Variants in KLF11 observed in about 807,000 individuals in gnomAD.
KLF11 encodes Krueppel-like factor 11.
KLF11 carries 26 observed loss-of-function variants against 29.9 expected under a neutral mutation model. The ratio of observed to expected loss-of-function variants is 0.87; its 90% CI spans 0.64 to 1.21. KLF11 has a LOEUF of 1.21. Ranked by LOEUF, KLF11 falls within the 50% of genes most tolerant of loss-of-function variation. The pLI, the probability that KLF11 is intolerant of heterozygous loss-of-function variation, is 0.00. For synonymous variants in KLF11, 318 were observed against 257.4 expected (o/e 1.24, Z -2.25); for missense variants, 778 against 665.7 (o/e 1.17, Z -1.86).
At position 10,048,111 on chromosome 2, in the gene KLF11, T is replaced by G. The variant is rs1661277961; in HGVS notation, c.774T>G (p.Thr258=). 4 of 1,614,104 alleles carry G rather than the reference T, an allele frequency of 2.5e-6. No individual in the cohort carries two copies. Among genetic ancestry groups the G allele is most frequent in the Non-Finnish European group, 3.4e-6 (4 of 1,180,046 alleles). The part of the protein sequence containing the change: ...QQAGWPGAVQ[T]CSPKNYENDL... ...CAGGGTGGCCTGGTGCAGTTCAGAC[T>G]TGCTCACCAAAGAATTATGAAAATG... The change falls in exon 3 of 4, where the codon ACT becomes ACG. Residue 258 remains threonine, a synonymous_variant. Transcript: ENST00000305883.
chr2:10,050,690 A>G (rs1479553901), intron 3 of KLF11, among the ~76,000 whole-genome samples: 1 of 152,056 alleles, frequency 6.6e-6, no homozygotes, highest in East Asian at 1.9e-4. Context: ...GCCTGGTGAC[A>G]GAGTGAGACT....
chr2:10,044,007 C>CGGCCCCGCCCCGCT (rs1426389162), intron 1 of KLF11: 3 of 757,256 alleles, frequency 4.0e-6, no homozygotes, highest in Non-Finnish European at 4.9e-6. Context: ...GCTTCCTGGG[C>CGGCCCCGCCCCGCT]GGCCCCGCCC....
intron 2 of KLF11, among the ~76,000 whole-genome samples, chr2:10,046,881 A>AG (rs1661223096): frequency 6.6e-6 from 1 of 152,244 alleles, no homozygotes; most frequent in Non-Finnish European, 1.5e-5. Flanking sequence ...GAACAAAAAA[A>AG]GAAACTTTTC....
Position 10,046,316 on chromosome 2 carries a change from G to C in KLF11, c.209G>C (p.Arg70Thr). Residue 70 changes from arginine to threonine, a missense_variant, in exon 2 of 4, where the codon AGA becomes ACA. Transcript: ENST00000305883. ...CAGAAAGGTGACCTGTTGCGGATAA[G>C]ACCCCTCACGCCTGTCTCTGACTCT... ...RSQKGDLLRI[R>T]PLTPVSDSGD... is the part of the protein sequence containing the mutation. 6.2e-7 allele frequency: 1 copy of C among 1,614,160 alleles called. No homozygotes were observed. The highest frequency in any genetic ancestry group is 8.5e-7 in the Non-Finnish European group (1 of 1,180,030).
At position 10,048,449 on chromosome 2, in the gene KLF11, C is replaced by T; in HGVS notation, c.1112C>T (p.Pro371Leu). 3 of 1,614,184 alleles carry T rather than the reference C, an allele frequency of 1.9e-6. No homozygotes were observed. Among genetic ancestry groups the T allele is most frequent in the Non-Finnish European group, 1.7e-6 (2 of 1,180,050 alleles). The change falls in exon 3 of 4, where the codon CCT becomes CTT. Residue 371 changes from proline (P) to leucine (L), a missense_variant. Coordinates refer to ENST00000305883, the MANE Select transcript of KLF11 (RefSeq NM_003597.5). ...AATACCAAGTTGTTGCCCCTTGCCC[C>T]TGCTCCAGTGTTCATCACCTCTAGC... Reference protein sequence around the residue: ...AGNTKLLPLAPAPVFITSSQN... With the variant: ...AGNTKLLPLALAPVFITSSQN...
At position 10,047,755 on chromosome 2, in the gene KLF11, C is replaced by T; in HGVS notation, c.418C>T (p.Gln140Ter). ...AGCATGTACAGCCACGGATGTTCTC[C>T]AGTCCTCTGCCGTAGTGGCCAGAGC... ...SKACTATDVL[Q>*]SSAVVARALS... is the part of the protein sequence containing the mutation. The change falls in exon 3 of 4, where the codon CAG (glutamine) becomes TAG (stop). Residue 140 changes from glutamine (Q) to a stop codon, truncating the protein, a stop_gained. Coordinates refer to ENST00000305883, the MANE Select transcript of KLF11 (RefSeq NM_003597.5). LOFTEE classifies it high-confidence loss of function. The T allele has an allele frequency of 6.2e-7, 1 of 1,613,784 alleles. No homozygotes were observed. Among genetic ancestry groups the T allele is most frequent in the Non-Finnish European group, 8.5e-7 (1 of 1,180,006 alleles).
chr2:10,048,982 C>G (rs1012713172), intron 3 of KLF11, among the ~76,000 whole-genome samples: 1 of 139,280 alleles, frequency 7.2e-6, no homozygotes, highest in Non-Finnish European at 1.5e-5. Context: ...ACCAGTGTGA[C>G]TTATGTTTAT....
In KLF11 at chr2:10,048,611, G is replaced by A; in HGVS notation, c.1258+16G>A. ...ACTCACACAGGTAAGCGCTGGGGCA[G>A]GTGGGGCATTGGGCACACCAGACCC... On this transcript the variant is annotated intron_variant, in intron 3 of 3. Transcript: ENST00000305883. The A allele has an allele frequency of 6.3e-7, 1 of 1,580,322 alleles. No individual in the cohort carries two copies. The highest frequency in any genetic ancestry group is 1.1e-5 in the South Asian group (1 of 90,666).
intron 3 of KLF11, among the ~76,000 whole-genome samples, chr2:10,051,370 A>T (rs1252163399): frequency 6.6e-6 from 1 of 151,284 alleles, no homozygotes; most frequent in Non-Finnish European, 1.5e-5. Context: ...CACCACACCC[A>T]GCTAATTTTT....
chr2:10,053,103 A>G lies in KLF11; in HGVS notation c.*596A>G. 2.5e-6 allele frequency: 1 copy of G among 397,472 alleles called. No individual in the cohort carries two copies. 24.6% of individuals were successfully genotyped at this position (397,472 alleles called of 1,614,324 possible). A position where few individuals can be genotyped will look rare whatever the true frequency, so the allele number is the denominator to read the frequency against. On this transcript the variant is annotated 3_prime_UTR_variant, in exon 4 of 4. Transcript: ENST00000305883. ...AGGACCTCTTAAAAGGGAAAAATAA[A>G]TTTTGCCGTCAGCTTCTTCATAACG...
chr2:10,052,140 C>G, intron 3 of KLF11, 87 bp from the exon 4 acceptor site: 1 of 1,361,372 alleles, frequency 7.3e-7, no homozygotes, highest in Non-Finnish European at 1.1e-6. Context: ...GTTTGATGAA[C>G]ACGATTTTAA....
chr2:10,045,792 C>T (rs746269825), intron 1 of KLF11, among the ~76,000 whole-genome samples: 4 of 152,252 alleles, frequency 2.6e-5, no homozygotes, highest in African/African-American at 4.8e-5. Flanking sequence ...GTGTTGGCTC[C>T]TCCTCCCTGG....
chr2:10,050,891 C>CTTTTT (rs1558350563), intron 3 of KLF11, among the ~76,000 whole-genome samples: 7 of 42,034 alleles, frequency 1.7e-4, no homozygotes, highest in East Asian at 8.4e-4. Flanking sequence ...ATAGATGCTA[C>CTTTTT]CTTTTTTTTT....
At chr2:10,043,916 G>A (rs1026188715) in intron 1 of KLF11, 158 bp downstream of exon 1, 3 of 1,029,276 alleles carry the variant, frequency 2.9e-6, no homozygotes, top group Non-Finnish European at 3.5e-6. Context: ...TCCGGAGCCG[G>A]GCGGGGCGGC....
intron 1 of KLF11, among the ~76,000 whole-genome samples, chr2:10,044,627 C>A (rs1159794146): frequency 2.7e-5 from 4 of 148,532 alleles, no homozygotes; most frequent in Non-Finnish European, 4.4e-5. Flanking sequence ...CGTGTATCTT[C>A]GTACATTTAA....
chr2:10,054,793 T>C lies in KLF11; in HGVS notation c.*2286T>C, dbSNP rs1354638630. On this transcript the variant is annotated 3_prime_UTR_variant, in exon 4 of 4. Transcript: ENST00000305883. ...ACATTATTTAAACGAGCATGTGTAA[T>C]GTAACTTTTCTCTTTGAATCATATA... is the stretch of plus-strand genomic sequence containing the variant. 6.6e-6 allele frequency: 1 copy of C among 152,580 alleles called. No individual in the cohort carries two copies. The highest frequency in any genetic ancestry group is 1.5e-5 in the Non-Finnish European group (1 of 68,048). 9.5% of individuals were successfully genotyped at this position (152,580 alleles called of 1,614,324 possible).
In KLF11 at chr2:10,052,629, C is replaced by A. The variant is rs576978858; in HGVS notation, c.*122C>A. 1.7e-5 allele frequency: 17 copies of A among 979,856 alleles called. 1 individual carries two copies. The South Asian group carries it at 2.1e-4, about 12-fold the overall frequency. 60.7% of individuals were successfully genotyped at this position (979,856 alleles called of 1,614,324 possible). On this transcript the variant is annotated 3_prime_UTR_variant, in exon 4 of 4. Coordinates refer to ENST00000305883, the MANE Select transcript of KLF11 (RefSeq NM_003597.5). Reference sequence around the variant, plus strand: ...CGGTCTTGGCGGCCTAGGGGAAGATCGGGGAGCTGGTTTTGATGAAAGTAT... The same window carrying A: ...CGGTCTTGGCGGCCTAGGGGAAGATAGGGGAGCTGGTTTTGATGAAAGTAT...
chr2:10,047,631 A>T lies in KLF11; in HGVS notation c.313-19A>T, dbSNP rs1661250894. The T allele has an allele frequency of 6.3e-7, 1 of 1,595,250 alleles. No homozygotes were observed. Among genetic ancestry groups the T allele is most frequent in the South Asian group, 1.1e-5 (1 of 90,778 alleles). Reference sequence around the variant, plus strand: ...TTAAAATTTAAAGCAACCTTTTAACATGGTACTTTTTTTTTTAGTGCATAA... The same window carrying T: ...TTAAAATTTAAAGCAACCTTTTAACTTGGTACTTTTTTTTTTAGTGCATAA... On this transcript the variant is annotated intron_variant, in intron 2 of 3. Coordinates refer to ENST00000305883, the MANE Select transcript of KLF11 (RefSeq NM_003597.5).
At chr2:10,052,123 C>T (rs774946001) in intron 3 of KLF11, 104 bp from the exon 4 acceptor site, 6 of 1,219,170 alleles carry the variant, frequency 4.9e-6, no homozygotes, top group East Asian at 4.7e-5. Flanking sequence ...ATACCACTTT[C>T]TTCTGAGTTT....
Sources: gnomAD v4.1 joint callset for allele counts (sites outside exome capture counted in the v4.1 genomes callset) on GRCh38, gnomAD v4.1.1 for gene constraint, MANE v1.5 for transcripts, NCBI Gene and HGNC (gene_info 2026-07-23, HGNC 2026-07-21) for gene names.